The following ZBTB10 variants were observed in gnomAD, a reference collection of about 807,000 sequenced individuals.
The protein encoded by ZBTB10 is zinc finger and BTB domain containing 10.
In ZBTB10, 32 loss-of-function variants were observed where a neutral mutation model predicts 76.4. The observed-to-expected ratio is 0.42, with a 90% CI of 0.32 to 0.56. ZBTB10 has a LOEUF of 0.56. Among genes scored for constraint, ZBTB10 ranks in the 20% least tolerant of loss-of-function variants. The pLI is 0.14. For missense variants in ZBTB10, 1,057 were observed against 1,098.5 expected (o/e 0.96, Z 0.53); for synonymous variants, 523 against 432.9 (o/e 1.21, Z -2.58).
At position 80,487,361 on chromosome 8, in the gene ZBTB10, C is replaced by A. The variant is rs1485127676; in HGVS notation, c.551C>A (p.Thr184Asn). 1.3e-6 allele frequency: 2 copies of A among 1,528,810 alleles called. No individual in the cohort carries two copies. The highest frequency in any genetic ancestry group is 1.8e-6 in the Non-Finnish European group (2 of 1,134,978). The allele number at this position is 1,528,810 out of a possible 1,614,324, so 94.7% of individuals were successfully genotyped here. ...MQDGASLSDS[T>N]EDEEEGASLG... The stretch of plus-strand genomic sequence containing the variant: ...GACGGCGCGTCCCTGAGCGACAGCA[C>A]CGAGGACGAGGAGGAGGGGGCGAGC... Residue 184 changes from threonine to asparagine, a missense_variant, in exon 1 of 6, where the codon ACC becomes AAC. By Grantham distance (65) the Thr-to-Asn change is moderately conservative. Transcript: ENST00000455036.
intron 4 of ZBTB10, 21 bp from the exon 5 acceptor site, chr8:80,518,761 C>T: frequency 1.3e-6 from 2 of 1,588,268 alleles, no homozygotes; most frequent in Non-Finnish European, 1.7e-6. Context: ...TAAGCACTTT[C>T]TCTTTTTTTA....
At chr8:80,497,713 G>A (rs1024979988) in intron 1 of ZBTB10, among the ~76,000 whole-genome samples, 3 of 131,304 alleles carry the variant, frequency 2.3e-5, no homozygotes, top group Non-Finnish European at 4.9e-5. Flanking sequence ...TTTTGAGACA[G>A]GTCTCAGTCT....
intron 1 of ZBTB10, among the ~76,000 whole-genome samples, chr8:80,493,207 G>GCGCGCGCGCGCGCA (rs375071529): frequency 1.9e-3 from 241 of 125,260 alleles, no homozygotes; most frequent in Non-Finnish European, 2.8e-3. Flanking sequence ...GCGCGCGCGC[G>GCGCGCGCGCGCGCA]CACACACACA....
intron 2 of ZBTB10, among the ~76,000 whole-genome samples, chr8:80,512,645 G>T (rs1331446099): frequency 6.6e-6 from 1 of 152,156 alleles, no homozygotes; most frequent in South Asian, 2.1e-4. Context: ...CTGGGAGGCA[G>T]AGGTTGCAGT....
At chr8:80,517,050 G>T (rs1327111313) in intron 3 of ZBTB10, among the ~76,000 whole-genome samples, 1 of 152,180 alleles carries the variant, frequency 6.6e-6, no homozygotes, top group Non-Finnish European at 1.5e-5. Context: ...GGAATAGAGT[G>T]ACTGAAAGGA....
At chr8:80,490,567 TCTC>T (rs1179681127) in intron 1 of ZBTB10, among the ~76,000 whole-genome samples, 3 of 152,174 alleles carry the variant, frequency 2.0e-5, no homozygotes, top group Non-Finnish European at 2.9e-5. Flanking sequence ...ACCAATCAGT[TCTC>T]CTTTTTATAC....
At chr8:80,516,782 AAGG>A (rs1191377786) in intron 3 of ZBTB10, among the ~76,000 whole-genome samples, 2 of 152,230 alleles carry the variant, frequency 1.3e-5, no homozygotes, top group Non-Finnish European at 2.9e-5. Context: ...TTTCACCAAA[AAGG>A]AATCTTAAGT....
At chr8:80,509,659 A>G (rs954893029) in intron 2 of ZBTB10, among the ~76,000 whole-genome samples, 8 of 152,102 alleles carry the variant, frequency 5.3e-5, no homozygotes, top group Non-Finnish European at 7.4e-5. Flanking sequence ...CAATATTTTC[A>G]TTTACTAATA....
intron 1 of ZBTB10, 75 bp downstream of exon 1, chr8:80,487,857 C>T: frequency 2.1e-6 from 3 of 1,462,404 alleles, no homozygotes; most frequent in Middle Eastern, 2.1e-4. Context: ...CACCCCCACC[C>T]ACCCCCGAAA....
intron 3 of ZBTB10, 104 bp downstream of exon 3, chr8:80,514,112 A>T: frequency 1.0e-6 from 1 of 960,970 alleles, no homozygotes; most frequent in South Asian, 1.5e-5. Flanking sequence ...GTTCTATTGT[A>T]TATAACTACT....
intron 2 of ZBTB10, among the ~76,000 whole-genome samples, chr8:80,510,599 C>G (rs1816162421): frequency 6.6e-6 from 1 of 151,558 alleles, no homozygotes; most frequent in South Asian, 2.1e-4. Flanking sequence ...ACTCATGTAC[C>G]TGCCACCAGT....
chr8:80,518,358 A>C, intron 3 of ZBTB10, 45 bp from the exon 4 acceptor site: 1 of 1,505,190 alleles, frequency 6.6e-7, no homozygotes, highest in Non-Finnish European at 8.9e-7. Flanking sequence ...GATGAGAGAC[A>C]GATCTTTATT....
chr8:80,496,734 G>T (rs997708678), intron 1 of ZBTB10, among the ~76,000 whole-genome samples: 2 of 152,202 alleles, frequency 1.3e-5, no homozygotes, highest in Admixed American at 1.3e-4. Context: ...GCCACCTCCT[G>T]AAGTGTTTTC....
intron 2 of ZBTB10, among the ~76,000 whole-genome samples, chr8:80,500,992 G>A (rs1350435402): frequency 6.6e-6 from 1 of 152,130 alleles, no homozygotes; most frequent in Non-Finnish European, 1.5e-5. Context: ...TCAGCCTCCT[G>A]AGTAGCTGGG....
chr8:80,490,312 G>T (rs994656625), intron 1 of ZBTB10, among the ~76,000 whole-genome samples: 5 of 152,122 alleles, frequency 3.3e-5, no homozygotes, highest in African/African-American at 4.8e-5. Flanking sequence ...CTGGAGTGCA[G>T]TGGTGAGATA....
intron 1 of ZBTB10, among the ~76,000 whole-genome samples, chr8:80,493,201 G>GCA (rs1204381971): frequency 3.6e-5 from 4 of 110,640 alleles, no homozygotes; most frequent in Admixed American, 9.6e-5. Context: ...AAACGCGCGC[G>GCA]CGCGCGCACA....
intron 1 of ZBTB10, among the ~76,000 whole-genome samples, chr8:80,496,847 G>C (rs778037800): frequency 2.6e-5 from 4 of 152,122 alleles, no homozygotes; most frequent in Non-Finnish European, 5.9e-5. Flanking sequence ...ATTTAGTGTT[G>C]AAAACTTTTG....
At chr8:80,497,484 T>C (rs761986122) in intron 1 of ZBTB10, among the ~76,000 whole-genome samples, 2 of 125,734 alleles carry the variant, frequency 1.6e-5, no homozygotes, top group Non-Finnish European at 3.3e-5. Flanking sequence ...GGGGGGGGCA[T>C]GGGTGGGAGT....
intron 2 of ZBTB10, among the ~76,000 whole-genome samples, chr8:80,508,261 T>A (rs1189757697): frequency 1.3e-5 from 2 of 152,176 alleles, no homozygotes; most frequent in Non-Finnish European, 2.9e-5. Context: ...TCCCTGAAAG[T>A]TTTTTATAGA....
Sources: gnomAD v4.1 joint callset for allele counts (sites outside exome capture counted in the v4.1 genomes callset) on GRCh38, gnomAD v4.1.1 for gene constraint, MANE v1.5 for transcripts, NCBI Gene and HGNC (gene_info 2026-07-23, HGNC 2026-07-21) for gene names.